The following ANKRD36 variants were observed in gnomAD, a reference collection of about 807,000 sequenced individuals.
The protein encoded by ANKRD36 is ankyrin repeat domain-containing protein 36A.
Under a neutral mutation model 278.1 loss-of-function variants are expected in ANKRD36, and 179 were observed. That is an observed-to-expected ratio of 0.64 (90% CI 0.57 to 0.73). The LOEUF is 0.73. ANKRD36 is among the 30% of genes least tolerant of loss of function. The pLI, the probability that ANKRD36 is intolerant of heterozygous loss-of-function variation, is 0.00. For missense variants in ANKRD36, 1,159 were observed against 1,956.7 expected (o/e 0.59, Z 7.69); for synonymous variants, 320 against 641.1 (o/e 0.50, Z 7.57).
chr2:97,164,159 G>C lies in ANKRD36; in HGVS notation c.1430-124G>C, dbSNP rs375114536. On this transcript the variant is annotated intron_variant, in intron 18 of 75. Transcript: ENST00000420699. Reference sequence around the variant, plus strand: ...CAAAACAAGAGCAAAGCAACCCAAAGCCTAATGGGTAACAATTTCAAGGGC... The same window carrying C: ...CAAAACAAGAGCAAAGCAACCCAAACCCTAATGGGTAACAATTTCAAGGGC... 728 of 1,488,808 alleles carry C rather than the reference G, an allele frequency of 4.9e-4. No homozygotes were observed. In the East Asian group the frequency reaches 0.015, roughly 31 times the overall value. The allele number at this position is 1,488,808 out of a possible 1,614,324, so 92.2% of individuals were successfully genotyped here. A position where few individuals can be genotyped will look rare whatever the true frequency, so the allele number is the denominator to read the frequency against.
chr2:97,199,433 G>A (rs1346537372), intron 44 of ANKRD36, among the ~76,000 whole-genome samples: 2 of 151,876 alleles, frequency 1.3e-5, no homozygotes, highest in Non-Finnish European at 2.9e-5. Context: ...GGATAAAATA[G>A]CTATTTAATG....
chr2:97,209,740 A>G (rs745326569), intron 55 of ANKRD36, 31 bp downstream of exon 55: 6 of 1,583,944 alleles, frequency 3.8e-6, no homozygotes, highest in Non-Finnish European at 1.7e-6. Context: ...ATTGTGAGCT[A>G]GTAAACGTAT....
intron 17 of ANKRD36, among the ~76,000 whole-genome samples, chr2:97,159,581 A>G (rs1389429775): frequency 6.6e-6 from 1 of 151,788 alleles, no homozygotes; most frequent in Non-Finnish European, 1.5e-5. Flanking sequence ...TGAATGAATC[A>G]TTACTTTTTG....
At chr2:97,203,551 T>C (rs1414859752) in intron 48 of ANKRD36, among the ~76,000 whole-genome samples, 7 of 151,862 alleles carry the variant, frequency 4.6e-5, no homozygotes, top group Non-Finnish European at 7.4e-5. Context: ...GTGATGAATG[T>C]AGGACACTTC....
intron 15 of ANKRD36, among the ~76,000 whole-genome samples, chr2:97,155,663 T>C (rs2047257432): frequency 6.8e-6 from 1 of 146,422 alleles, no homozygotes; most frequent in Admixed American, 6.8e-5. Flanking sequence ...GGTTTCTGCG[T>C]TGTAATTAAA....
At chr2:97,191,755 A>G (rs1204852498) in intron 36 of ANKRD36, among the ~76,000 whole-genome samples, 2 of 151,696 alleles carry the variant, frequency 1.3e-5, no homozygotes, top group African/African-American at 2.4e-5. Context: ...CATAAAACAT[A>G]TTTGATTTTG....
intron 26 of ANKRD36, among the ~76,000 whole-genome samples, chr2:97,183,242 CT>C (rs1420006220): frequency 2.0e-5 from 3 of 151,620 alleles, no homozygotes; most frequent in Non-Finnish European, 2.9e-5. Context: ...CATAATACCT[CT>C]TTGTAATTTC....
intron 11 of ANKRD36, among the ~76,000 whole-genome samples, chr2:97,148,649 A>G (rs1351710067): frequency 6.6e-6 from 1 of 152,260 alleles, no homozygotes; most frequent in African/African-American, 2.4e-5. Context: ...TCTGTGAAGA[A>G]TATTCCCAAT....
Position 97,206,214 on chromosome 2 carries a change from G to T in ANKRD36, c.3163+79G>T, listed in dbSNP as rs1478384866. ...CTCTTCCCCAAGTAAATCAGCGGGG[G>T]GCTCATCGAAGCTGCACTTTCTGAT... On this transcript the variant is annotated intron_variant, in intron 52 of 75. Transcript: ENST00000420699. 19 of 1,385,934 alleles carry T rather than the reference G, an allele frequency of 1.4e-5. No homozygotes were observed. The East Asian group carries it at 4.5e-4, about 33-fold the overall frequency. 85.9% of individuals were successfully genotyped at this position (1,385,934 alleles called of 1,614,324 possible).
intron 22 of ANKRD36, among the ~76,000 whole-genome samples, chr2:97,171,846 C>CA (rs983817977): frequency 4.6e-5 from 7 of 151,878 alleles, no homozygotes; most frequent in Non-Finnish European, 8.8e-5. Flanking sequence ...CCATTCAGGA[C>CA]ATTGGCATGG....
chr2:97,203,486 G>T (rs191328372), intron 48 of ANKRD36, among the ~76,000 whole-genome samples: 274 of 151,960 alleles, frequency 1.8e-3, no homozygotes, highest in African/African-American at 6.1e-3. Context: ...TACACCATAT[G>T]GGGGTGAGAG....
chr2:97,164,448 G>T lies in ANKRD36; in HGVS notation c.1510G>T (p.Asp504Tyr). 1 of 1,537,188 alleles carries T rather than the reference G, an allele frequency of 6.5e-7. No individual in the cohort carries two copies. Among genetic ancestry groups the T allele is most frequent in the Non-Finnish European group, 8.7e-7 (1 of 1,146,766 alleles). The change falls in exon 20 of 76, where the codon GAT becomes TAT. Residue 504 changes from aspartate (D) to tyrosine (Y), a missense_variant. By Grantham distance (160) the Asp-to-Tyr change is radical. Transcript: ENST00000420699. The stretch of plus-strand genomic sequence containing the variant: ...TTCAACTAGATTCTTAGGAGGTATG[G>T]ATTCACTAACTTCCAGTGAAGGTAA... ...HISTRFLGGM[D>Y]SLTSSEESSE...
At chr2:97,220,661 G>C (rs1488417174) in intron 66 of ANKRD36, among the ~76,000 whole-genome samples, 3 of 146,844 alleles carry the variant, frequency 2.0e-5, no homozygotes, top group African/African-American at 7.7e-5. Flanking sequence ...CCAAATTATG[G>C]CTATTGTGAA....
At chr2:97,199,848 C>G (rs1285722973) in intron 44 of ANKRD36, among the ~76,000 whole-genome samples, 1 of 151,872 alleles carries the variant, frequency 6.6e-6, no homozygotes, top group Non-Finnish European at 1.5e-5. Context: ...GTGAAGTGTA[C>G]GTTCAACTGG....
intron 14 of ANKRD36, among the ~76,000 whole-genome samples, chr2:97,154,468 C>T (rs1212368216): frequency 6.8e-6 from 1 of 146,196 alleles, no homozygotes; most frequent in Admixed American, 6.8e-5. Context: ...GAAGTGGCAG[C>T]AGAAATAGGT....
In ANKRD36 at chr2:97,205,939, G is replaced by A. The variant is rs1243519729; in HGVS notation, c.3062-1G>A. On this transcript the variant is annotated splice_acceptor_variant, in intron 50 of 75. Coordinates refer to ENST00000420699, the MANE Select transcript of ANKRD36 (RefSeq NM_001354587.1). LOFTEE classifies it high-confidence loss of function. ...GATTATGAATCACTTTTGCTTTTCA[G>A]TGTCTTCTCAGAAACCACCAACCTT... 6 of 1,553,588 alleles carry A rather than the reference G, an allele frequency of 3.9e-6. No homozygotes were observed. The highest frequency in any genetic ancestry group is 5.2e-6 in the Non-Finnish European group (6 of 1,154,018).
At chr2:97,216,598 G>A (rs185078711) in intron 62 of ANKRD36, 2 of 196,662 alleles carry the variant, frequency 1.0e-5, no homozygotes, top group East Asian at 1.5e-4. Flanking sequence ...CCACGTGGGT[G>A]TGAGGAATAA....
At chr2:97,115,527 A>G (rs1358797706) in intron 1 of ANKRD36, among the ~76,000 whole-genome samples, 1 of 152,192 alleles carries the variant, frequency 6.6e-6, no homozygotes, top group Non-Finnish European at 1.5e-5. Flanking sequence ...AAGAACTCTC[A>G]TTTAAAATAG....
chr2:97,150,270 T>G (rs997846951), intron 12 of ANKRD36, among the ~76,000 whole-genome samples: 3 of 151,872 alleles, frequency 2.0e-5, no homozygotes, highest in African/African-American at 7.2e-5. Flanking sequence ...GAATTGTAAT[T>G]AAAAAGAATC....
Sources: gnomAD v4.1 joint callset for allele counts (sites outside exome capture counted in the v4.1 genomes callset) on GRCh38, gnomAD v4.1.1 for gene constraint, MANE v1.5 for transcripts, NCBI Gene and HGNC (gene_info 2026-07-23, HGNC 2026-07-21) for gene names.